Variants in PAK3 observed in about 807,000 individuals in gnomAD.
PAK3 encodes p21 (RAC1) activated kinase 3.
PAK3 carries 4 observed loss-of-function variants against 41.0 expected under a neutral mutation model. That is an observed-to-expected ratio of 0.10 (90% CI 0.05 to 0.22). The LOEUF (loss-of-function observed/expected upper bound fraction) is 0.22. PAK3 is among the 10% of genes least tolerant of loss of function. The pLI, the probability that PAK3 is intolerant of heterozygous loss-of-function variation, is 1.00. For missense variants in PAK3, 205 were observed against 409.9 expected (o/e 0.50, Z 4.32); for synonymous variants, 146 against 139.6 (o/e 1.05, Z -0.32).
chrX:110,979,291 CTTTTCT>C lies in PAK3; in HGVS notation c.-28+34668_-28+34673del, dbSNP rs1391574192. 1.2e-3 allele frequency among the ~76,000 whole-genome samples: 23 copies of C among 19,815 alleles called. 1 individual carries two copies. The highest frequency in any genetic ancestry group is 0.024 in the South Asian group (2 of 82). The allele number at this position is 19,815 out of a possible 115,157, so 17.2% of individuals were successfully genotyped here. A position where few individuals can be genotyped will look rare whatever the true frequency, so the allele number is the denominator to read the frequency against. ...CTTGTTTTATTCATTTTCTCTATTACTTTTCTTTTTTTTTTTTTTTTTTTTTTGACA... is the reference window on the plus strand; with the variant it reads ...CTTGTTTTATTCATTTTCTCTATTACTTTTTTTTTTTTTTTTTTTTTGACA... On this transcript the variant is annotated intron_variant, in intron 1 of 14. Transcript: ENST00000425146.
At chrX:111,217,523 T>G in intron 17 of PAK3, 1 of 970,691 alleles carries the variant, frequency 1.0e-6, no homozygotes, top group Non-Finnish European at 1.3e-6. Context: ...AAGAAAAACC[T>G]GTTCCTGTTG....
At chrX:111,169,501 G>T (rs774471325) in intron 10 of PAK3, 2 of 108,806 alleles carry the variant, frequency 1.8e-5, no homozygotes, top group African/African-American at 3.3e-5. Context: ...GAACAAGGGC[G>T]AGAGAGAGAG....
chrX:111,042,634 G>A (rs895408723), intron 1 of PAK3, among the ~76,000 whole-genome samples: 2 of 111,490 alleles, frequency 1.8e-5, no homozygotes, highest in African/African-American at 6.5e-5. Context: ...CATATCAAAT[G>A]GCTCTAGACT....
At chrX:111,005,622 G>A (rs752134187) in intron 1 of PAK3, among the ~76,000 whole-genome samples, 16 of 111,525 alleles carry the variant, frequency 1.4e-4, no homozygotes, top group Middle Eastern at 4.6e-3. Flanking sequence ...CCAATGCTAG[G>A]GAAACTTTGT....
chrX:111,165,840 C>T (rs1642980190), intron 10 of PAK3, among the ~76,000 whole-genome samples: 1 of 110,482 alleles, frequency 9.1e-6, no homozygotes, highest in African/African-American at 3.4e-5. Flanking sequence ...GGACCAAAAT[C>T]TTGTTTTGCT....
At chrX:111,178,990 G>GAGAT (rs1556239371) in intron 11 of PAK3, among the ~76,000 whole-genome samples, 25 of 92,828 alleles carry the variant, frequency 2.7e-4, no homozygotes, top group African/African-American at 9.8e-4. Context: ...TAGAGAGAGA[G>GAGAT]ATATCTGTAT....
At chrX:111,210,364 T>C (rs2094805914) in intron 16 of PAK3, among the ~76,000 whole-genome samples, 1 of 111,372 alleles carries the variant, frequency 9.0e-6, no homozygotes, top group Non-Finnish European at 1.9e-5. Context: ...CATGTTTTAG[T>C]CATCTTTTTC....
At chrX:111,186,653 A>C in intron 11 of PAK3, among the ~76,000 whole-genome samples, 1 of 111,809 alleles carries the variant, frequency 8.9e-6, no homozygotes, top group Non-Finnish European at 1.9e-5. Flanking sequence ...ACAAATGGAA[A>C]AACATTCAAT....
At chrX:111,209,920 G>T (rs1199993529) in intron 16 of PAK3, among the ~76,000 whole-genome samples, 1 of 112,033 alleles carries the variant, frequency 8.9e-6, no homozygotes, top group Non-Finnish European at 1.9e-5. Flanking sequence ...TGAGGAAATT[G>T]TTAATATAGT....
chrX:111,075,778 C>T (rs970110563), intron 1 of PAK3, among the ~76,000 whole-genome samples: 13 of 112,698 alleles, frequency 1.2e-4, no homozygotes, highest in Admixed American at 1.9e-4. Flanking sequence ...AGAAGAGCCA[C>T]AAGCACTGGA....
At chrX:111,077,205 A>T (rs1232465708) in intron 1 of PAK3, among the ~76,000 whole-genome samples, 2 of 111,986 alleles carry the variant, frequency 1.8e-5, no homozygotes, top group Non-Finnish European at 3.8e-5. Flanking sequence ...GATTGGAAAA[A>T]CTAATATTGT....
intron 1 of PAK3, among the ~76,000 whole-genome samples, chrX:111,077,522 G>A (rs762647232): frequency 1.8e-5 from 2 of 111,782 alleles, no homozygotes; most frequent in Admixed American, 9.5e-5. Flanking sequence ...AAGGTAAATT[G>A]ATTTTTGACA....
chrX:111,073,579 G>GT (rs1306149142), intron 1 of PAK3, among the ~76,000 whole-genome samples: 2 of 111,796 alleles, frequency 1.8e-5, no homozygotes, highest in African/African-American at 6.5e-5. Flanking sequence ...CTACTATGAA[G>GT]TTATATGCCA....
At chrX:111,157,071 AT>A (rs1232115996) in intron 8 of PAK3, among the ~76,000 whole-genome samples, 3 of 111,151 alleles carry the variant, frequency 2.7e-5, no homozygotes, top group Non-Finnish European at 5.7e-5. Context: ...GTACTGGTTA[AT>A]TTTTTTTAAA....
At chrX:111,061,190 T>A (rs2092652672) in intron 1 of PAK3, among the ~76,000 whole-genome samples, 1 of 112,413 alleles carries the variant, frequency 8.9e-6, no homozygotes, top group Non-Finnish European at 1.9e-5. Context: ...AGAATGTTAT[T>A]TATTTAAATG....
chrX:111,203,060 C>T (rs60162277), intron 16 of PAK3, among the ~76,000 whole-genome samples: 15,576 of 110,596 alleles, frequency 0.14, 2,658 homozygotes, highest in African/African-American at 0.47. Flanking sequence ...TAAGAACCAG[C>T]GATTCTAGGC....
At chrX:111,022,899 T>C (rs1453174560) in intron 1 of PAK3, among the ~76,000 whole-genome samples, 1 of 110,876 alleles carries the variant, frequency 9.0e-6, no homozygotes, top group Non-Finnish European at 1.9e-5. Context: ...TCTTTTTATA[T>C]ATATATATAT....
At position 111,221,475 on chromosome X, in the gene PAK3, A is replaced by T. The variant is rs1426228942; in HGVS notation, c.*1028A>T. 8.9e-6 allele frequency: 1 copy of T among 112,466 alleles called. No individual in the cohort carries two copies. Among genetic ancestry groups the T allele is most frequent in the Non-Finnish European group, 1.9e-5 (1 of 53,237 alleles). 9.3% of individuals were successfully genotyped at this position (112,466 alleles called of 1,213,427 possible). A position where few individuals can be genotyped will look rare whatever the true frequency, so the allele number is the denominator to read the frequency against. ...CTTGTTGGACATTAAGTAAACAAAG[A>T]TAATGATACCTAAATTAATCCTCTC... is the stretch of plus-strand genomic sequence containing the variant. On this transcript the variant is annotated 3_prime_UTR_variant, in exon 18 of 18. Coordinates refer to ENST00000372007, the MANE Select transcript of PAK3 (RefSeq NM_002578.5).
At chrX:111,135,431 G>A (rs1156963072) in intron 5 of PAK3, among the ~76,000 whole-genome samples, 2 of 111,054 alleles carry the variant, frequency 1.8e-5, no homozygotes, top group African/African-American at 3.3e-5. Flanking sequence ...GGGTTGGGGT[G>A]CAACAGAGAT....
Sources: gnomAD v4.1 joint callset for allele counts (sites outside exome capture counted in the v4.1 genomes callset) on GRCh38, gnomAD v4.1.1 for gene constraint, MANE v1.5 for transcripts, NCBI Gene and HGNC (gene_info 2026-07-23, HGNC 2026-07-21) for gene names.